ERBB4: variants seen among roughly 807,000 people sequenced by gnomAD.
ERBB4 encodes the protein erb-b2 receptor tyrosine kinase 4.
In ERBB4, 42 loss-of-function variants were observed where a neutral mutation model predicts 158.0. The observed-to-expected ratio is 0.27, with a 90% CI of 0.21 to 0.34. The LOEUF (loss-of-function observed/expected upper bound fraction) is 0.34, where lower values mean the gene tolerates loss of function less well. ERBB4 is among the 10% of genes least tolerant of loss of function. ERBB4 has a pLI of 1.00. For missense variants in ERBB4, 1,333 were observed against 1,624.1 expected (o/e 0.82, Z 3.08); for synonymous variants, 583 against 558.7 (o/e 1.04, Z -0.61).
Position 212,027,198 on chromosome 2 carries a change from A to C in ERBB4, c.235-79582T>G, listed in dbSNP as rs2076793326. Among the ~76,000 whole-genome samples the C allele has an allele frequency of 4.6e-5, 7 of 152,162 alleles. No individual in the cohort carries two copies. In the South Asian group the frequency reaches 1.5e-3, roughly 32 times the overall value. On this transcript the variant is annotated intron_variant, in intron 2 of 27. Transcript: ENST00000342788. The stretch of plus-strand genomic sequence containing the variant: ...AACCAAGCTGAGGTTAATTATGAAT[A>C]GCATTGGAGATAGATGTACATGAAC...
chr2:211,791,774 C>G (rs1247358448), intron 3 of ERBB4, among the ~76,000 whole-genome samples: 1 of 151,678 alleles, frequency 6.6e-6, no homozygotes, highest in African/African-American at 2.4e-5. Context: ...GACATGACAT[C>G]GATGAAAAAA....
intron 20 of ERBB4, among the ~76,000 whole-genome samples, chr2:211,505,129 C>G (rs73071124): frequency 0.013 from 1,901 of 151,988 alleles, 49 homozygotes; most frequent in African/African-American, 0.043. Flanking sequence ...ATAAGATGAA[C>G]ATTACCAAGG....
intron 2 of ERBB4, among the ~76,000 whole-genome samples, chr2:212,079,772 A>C (rs1030976794): frequency 6.6e-6 from 1 of 152,126 alleles, no homozygotes; most frequent in African/African-American, 2.4e-5. Context: ...ACACATGAAC[A>C]TAACACTTTG....
chr2:212,076,047 TAACTA>T (rs1391483824), intron 2 of ERBB4, among the ~76,000 whole-genome samples: 2 of 151,916 alleles, frequency 1.3e-5, no homozygotes, highest in South Asian at 2.1e-4. Flanking sequence ...TTAGAATGAA[TAACTA>T]AACTGCTAAG....
chr2:212,270,974 G>A (rs1289251516), intron 1 of ERBB4, among the ~76,000 whole-genome samples: 7 of 151,788 alleles, frequency 4.6e-5, no homozygotes, highest in African/African-American at 1.7e-4. Context: ...CCCAGAGAAT[G>A]AGATAAAATT....
chr2:211,765,881 C>G (rs911784726), intron 4 of ERBB4, among the ~76,000 whole-genome samples: 1 of 152,106 alleles, frequency 6.6e-6, no homozygotes, highest in Non-Finnish European at 1.5e-5. Flanking sequence ...ATGCTGTATT[C>G]TAATTCTTGA....
chr2:211,981,280 T>C (rs1160721033), intron 2 of ERBB4, among the ~76,000 whole-genome samples: 1 of 152,072 alleles, frequency 6.6e-6, no homozygotes, highest in African/African-American at 2.4e-5. Context: ...AATAAGACCA[T>C]CAATGAGGAA....
chr2:211,524,959 G>A (rs2066305618), intron 20 of ERBB4, among the ~76,000 whole-genome samples: 1 of 152,150 alleles, frequency 6.6e-6, no homozygotes, highest in African/African-American at 2.4e-5. Context: ...AAGTAAAACT[G>A]GGCTGAAGTC....
chr2:212,347,948 T>C (rs1351105436), intron 1 of ERBB4, among the ~76,000 whole-genome samples: 3 of 152,114 alleles, frequency 2.0e-5, no homozygotes, highest in Non-Finnish European at 4.4e-5. Context: ...TCCATACAGC[T>C]ATTTTTAGGT....
At chr2:211,458,423 C>T (rs568916939) in intron 20 of ERBB4, among the ~76,000 whole-genome samples, 20 of 152,064 alleles carry the variant, frequency 1.3e-4, no homozygotes, top group Non-Finnish European at 2.2e-4. Context: ...CGTGCCATCA[C>T]GCACGGCTAA....
At position 211,861,100 on chromosome 2, in the gene ERBB4, A is replaced by ATATATATATT. The variant is rs1559585771; in HGVS notation, c.422-72942_422-72941insAATATATATA. 7.6e-3 allele frequency among the ~76,000 whole-genome samples: 213 copies of ATATATATATT among 28,052 alleles called. 11 individuals are homozygous for ATATATATATT. Among genetic ancestry groups the ATATATATATT allele is most frequent in the Non-Finnish European group, 0.012 (183 of 15,478 alleles). The allele number at this position is 28,052 out of a possible 152,430, so 18.4% of individuals were successfully genotyped here. On this transcript the variant is annotated intron_variant, in intron 3 of 27. Coordinates refer to ENST00000342788, the MANE Select transcript of ERBB4 (RefSeq NM_005235.3). Reference sequence around the variant, plus strand: ...TATATATTATAAAATATATAAATACATTATATATATTTATATATATATTTT... The same window carrying ATATATATATT: ...TATATATTATAAAATATATAAATACATATATATATTTTATATATATTTATATATATATTTT...
intron 14 of ERBB4, among the ~76,000 whole-genome samples, chr2:211,667,276 T>G (rs76530641): frequency 1.3e-5 from 2 of 152,004 alleles, no homozygotes; most frequent in East Asian, 3.9e-4. Flanking sequence ...ACTTAAGGCA[T>G]CAGAAAATCG....
intron 2 of ERBB4, among the ~76,000 whole-genome samples, chr2:212,097,615 T>C (rs568124636): frequency 2.1e-4 from 32 of 152,286 alleles, no homozygotes; most frequent in Non-Finnish European, 3.5e-4. Context: ...TATACCATAC[T>C]ATCAATATTT....
At chr2:211,413,207 G>A (rs1250675500) in intron 25 of ERBB4, among the ~76,000 whole-genome samples, 1 of 150,874 alleles carries the variant, frequency 6.6e-6, no homozygotes, top group Non-Finnish European at 1.5e-5. Context: ...GGAGGCTGAG[G>A]CAGAAGGATC....
chr2:211,954,729 G>A (rs2080981225), intron 2 of ERBB4, among the ~76,000 whole-genome samples: 1 of 152,036 alleles, frequency 6.6e-6, no homozygotes, highest in South Asian at 2.1e-4. Context: ...GGTGACAAAT[G>A]TAGTAGCAAA....
chr2:211,595,002 A>G (rs551531307), intron 19 of ERBB4, among the ~76,000 whole-genome samples: 1 of 152,304 alleles, frequency 6.6e-6, no homozygotes, highest in Admixed American at 6.5e-5. Context: ...CTCTCATATT[A>G]CCTTCTTGAA....
At position 212,250,007 on chromosome 2, in the gene ERBB4, C is replaced by G. The variant is rs557406027; in HGVS notation, c.83-125104G>C. Among the ~76,000 whole-genome samples the G allele has an allele frequency of 6.6e-5, 10 of 152,056 alleles. No individual in the cohort carries two copies. The East Asian group carries it at 1.9e-3, about 29-fold the overall frequency. On this transcript the variant is annotated intron_variant, in intron 1 of 27. Transcript: ENST00000342788. Reference sequence around the variant, plus strand: ...CACCTGATACCGTGTATATGTATTGCAAGATAAATATGCATACCATTATCA... The same window carrying G: ...CACCTGATACCGTGTATATGTATTGGAAGATAAATATGCATACCATTATCA...
At chr2:211,888,154 A>C (rs779984782) in intron 3 of ERBB4, among the ~76,000 whole-genome samples, 1 of 152,102 alleles carries the variant, frequency 6.6e-6, no homozygotes, top group Non-Finnish European at 1.5e-5. Context: ...CTACTTTTTC[A>C]GTTTCTTCTA....
At chr2:212,228,629 G>A (rs1188028653) in intron 1 of ERBB4, among the ~76,000 whole-genome samples, 2 of 152,126 alleles carry the variant, frequency 1.3e-5, no homozygotes, top group Non-Finnish European at 2.9e-5. Context: ...AGCCTACCAT[G>A]TATGTGAGAT....
Sources: gnomAD v4.1 joint callset for allele counts (sites outside exome capture counted in the v4.1 genomes callset) on GRCh38, gnomAD v4.1.1 for gene constraint, MANE v1.5 for transcripts, NCBI Gene and HGNC (gene_info 2026-07-23, HGNC 2026-07-21) for gene names.